The following NUP88 variants were observed in gnomAD, a reference collection of about 807,000 sequenced individuals.
NUP88 encodes nucleoporin 88, also known as nuclear pore complex protein Nup88.
NUP88 carries 57 observed loss-of-function variants against 93.9 expected under a neutral mutation model. The observed-to-expected ratio is 0.61, with a 90% confidence interval of 0.49 to 0.76. The LOEUF is 0.76. Among genes scored for constraint, NUP88 ranks in the 30% least tolerant of loss-of-function variants. The pLI, the probability that NUP88 is intolerant of heterozygous loss-of-function variation, is 0.00. For synonymous variants in NUP88, 346 were observed against 336.8 expected, an observed-to-expected ratio of 1.03 and a Z score of -0.30; for missense variants, 911 against 901.0, an observed-to-expected ratio of 1.01 and a Z score of -0.14.
intron 6 of NUP88, 115 bp from the exon 7 acceptor site, chr17:5,404,361 C>T (rs2151642359): frequency 1.9e-6 from 2 of 1,054,478 alleles, no homozygotes; most frequent in Admixed American, 2.3e-5. Context: ...GCCTGTAATC[C>T]CAGCACTTTG....
intron 10 of NUP88, among the ~76,000 whole-genome samples, chr17:5,390,111 G>A (rs952921193): frequency 6.7e-6 from 1 of 149,964 alleles, no homozygotes; most frequent in African/African-American, 2.5e-5. Flanking sequence ...GTTGCAGTGA[G>A]CTGAGATCGT....
intron 11 of NUP88, chr17:5,388,452 A>AT (rs112340061): frequency 0.31 from 49,729 of 163,030 alleles, 8,168 homozygotes; most frequent in East Asian, 0.59. Context: ...CACCCAGCTA[A>AT]TTTTTTTTTG....
chr17:5,393,326 G>GCCTCAAGTGATCCTCCTGC (rs1167539499), intron 9 of NUP88, among the ~76,000 whole-genome samples: 1 of 151,260 alleles, frequency 6.6e-6, no homozygotes, highest in Admixed American at 6.6e-5. Context: ...CAAACTCCTG[G>GCCTCAAGTGATCCTCCTGC]CCTCAAGTGA....
Position 5,385,491 on chromosome 17 carries a change from C to A in NUP88, c.*715G>T, listed in dbSNP as rs148871718. The A allele has an allele frequency of 9.7e-4, 224 of 230,598 alleles. No individual in the cohort carries two copies. The highest frequency in any genetic ancestry group is 4.1e-3 in the African/African-American group (187 of 45,290). The allele number at this position is 230,598 out of a possible 1,614,324, so 14.3% of individuals were successfully genotyped here. ...ATATAGTAGTACCTTTCAGAACTCACATTGGCAAGTGTAAAAAGATGACTT... is the reference window on the plus strand; with the variant it reads ...ATATAGTAGTACCTTTCAGAACTCAAATTGGCAAGTGTAAAAAGATGACTT... On this transcript the variant is annotated 3_prime_UTR_variant, in exon 17 of 17. Coordinates refer to ENST00000573584, the MANE Select transcript of NUP88 (RefSeq NM_002532.6).
Position 5,386,985 on chromosome 17 carries a change from T to A in NUP88, c.2042A>T (p.Gln681Leu). 1.9e-6 allele frequency: 3 copies of A among 1,613,900 alleles called. No individual in the cohort carries two copies. The highest frequency in any genetic ancestry group is 2.5e-6 in the Non-Finnish European group (3 of 1,179,964). ...QLRHLGNAIK[Q>L]VTMKKDYQQQ... ...TAGCTAGTTTGGATCTATTCCTACC[T>A]GTTTGATGGCATTGCCCAAATGTCG... The change falls in exon 15 of 17, where the codon CAG becomes CTG. Residue 681 changes from glutamine (Q) to leucine (L), a missense_variant and splice_region_variant. Physicochemically the swap from Gln to Leu is moderately radical, Grantham distance 113. Transcript: ENST00000573584.
chr17:5,414,492 G>A (rs1914023985), intron 2 of NUP88, among the ~76,000 whole-genome samples: 1 of 152,096 alleles, frequency 6.6e-6, no homozygotes, highest in Admixed American at 6.6e-5. Context: ...ACCACGCCAG[G>A]CCCTGAAGAA....
intron 7 of NUP88, among the ~76,000 whole-genome samples, chr17:5,400,569 C>T (rs1447196736): frequency 1.3e-5 from 2 of 148,832 alleles, no homozygotes; most frequent in African/African-American, 5.0e-5. Flanking sequence ...TTCACCAAAA[C>T]ATAAATACTT....
intron 1 of NUP88, among the ~76,000 whole-genome samples, chr17:5,417,070 A>T (rs1914195701): frequency 6.6e-6 from 1 of 152,028 alleles, no homozygotes; most frequent in Non-Finnish European, 1.5e-5. Flanking sequence ...TGCTCACAAG[A>T]TCCACCTGCC....
chr17:5,415,232 G>A (rs1320435192), intron 2 of NUP88, among the ~76,000 whole-genome samples: 1 of 151,894 alleles, frequency 6.6e-6, no homozygotes, highest in Non-Finnish European at 1.5e-5. Context: ...GTTGCCCAGG[G>A]TGGTCTCAAG....
At chr17:5,393,962 A>T (rs116930244) in intron 9 of NUP88, among the ~76,000 whole-genome samples, 103 of 152,316 alleles carry the variant, frequency 6.8e-4, no homozygotes, top group Admixed American at 3.6e-3. Context: ...CCAGGTTTCT[A>T]CTGGGGATAA....
intron 2 of NUP88, 127 bp downstream of exon 2, chr17:5,416,386 G>C: frequency 1.7e-6 from 1 of 598,046 alleles, no homozygotes; most frequent in Non-Finnish European, 2.8e-6. Context: ...ACAGAAGCCA[G>C]TCTGCAGACC....
At position 5,404,020 on chromosome 17, in the gene NUP88, A is replaced by G. The variant is rs563336811; in HGVS notation, c.1192+79T>C. ...TAAAGGCTGGAACCACAGAACAAAT[A>G]CATTACATAGGAACAGTCTATGATA... On this transcript the variant is annotated intron_variant, in intron 7 of 16. Transcript: ENST00000573584. The G allele has an allele frequency of 3.5e-6, 5 of 1,411,582 alleles. No individual in the cohort carries two copies. The East Asian group carries it at 1.1e-4, about 32-fold the overall frequency. 87.4% of individuals were successfully genotyped at this position (1,411,582 alleles called of 1,614,324 possible). A position where few individuals can be genotyped will look rare whatever the true frequency, so the allele number is the denominator to read the frequency against.
In NUP88 at chr17:5,414,124, C is replaced by A. The variant is rs751724323; in HGVS notation, c.478G>T (p.Val160Phe). 1.9e-6 allele frequency: 3 copies of A among 1,613,380 alleles called. No homozygotes were observed. The Admixed American group carries it at 5.0e-5, about 27-fold the overall frequency. Residue 160 changes from valine to phenylalanine, a missense_variant, in exon 3 of 17, where the codon GTT becomes TTT. Physicochemically the swap from Val to Phe is conservative, Grantham distance 50. Transcript: ENST00000573584. ...GAACTGGTGAAAAATCTCTCCGCAA[C>A]TGGAGTGGTACTAAAATAAAGATAA... ...KSTVNCSTTP[V>F]AERFFTSSTS...
intron 5 of NUP88, among the ~76,000 whole-genome samples, chr17:5,406,307 T>C (rs965838522): frequency 2.6e-5 from 4 of 152,116 alleles, no homozygotes; most frequent in African/African-American, 9.7e-5. Flanking sequence ...CCTGGAAACA[T>C]GAAAGACAAA....
chr17:5,406,801 A>C (rs8066702), intron 5 of NUP88, among the ~76,000 whole-genome samples: 70,015 of 151,724 alleles, frequency 0.46, 16,918 homozygotes, highest in East Asian at 0.84. Context: ...GCAAACAAAT[A>C]TCATAATGTT....
At position 5,410,686 on chromosome 17, in the gene NUP88, C is replaced by T. The variant is rs150004698; in HGVS notation, c.680+17G>A. Reference sequence around the variant, plus strand: ...AGCTAATTAAAAAACCATTTCAAGACTCAAATAAAAACTTACCCTTTATTG... The same window carrying T: ...AGCTAATTAAAAAACCATTTCAAGATTCAAATAAAAACTTACCCTTTATTG... On this transcript the variant is annotated intron_variant, in intron 4 of 16. Transcript: ENST00000573584. The T allele has an allele frequency of 3.4e-5, 50 of 1,485,230 alleles. No homozygotes were observed. The African/African-American group carries it at 5.9e-4, about 18-fold the overall frequency. 92.0% of individuals were successfully genotyped at this position (1,485,230 alleles called of 1,614,324 possible).
chr17:5,396,210 T>TA lies in NUP88; in HGVS notation c.1292-1230dup, dbSNP rs890181298. ...TGGGCAACAAGAGTGAAACTCCGTCTAAAAAAAAAATTGTATACCTATCAT... is the reference window on the plus strand; with the variant it reads ...TGGGCAACAAGAGTGAAACTCCGTCTAAAAAAAAAAATTGTATACCTATCAT... On this transcript the variant is annotated intron_variant, in intron 8 of 16. Transcript: ENST00000573584. 4.3e-4 allele frequency among the ~76,000 whole-genome samples: 65 copies of TA among 149,970 alleles called. 1 individual carries two copies. The highest frequency in any genetic ancestry group is 3.5e-3 in the Middle Eastern group (1 of 288).
intron 1 of NUP88, chr17:5,418,036 G>T (rs550855873): frequency 2.7e-5 from 4 of 150,536 alleles, no homozygotes; most frequent in African/African-American, 4.9e-5. Flanking sequence ...GCTACTCGCG[G>T]GGGGGGCTGA....
chr17:5,399,089 C>T (rs1470230336), intron 8 of NUP88, among the ~76,000 whole-genome samples: 2 of 149,764 alleles, frequency 1.3e-5, no homozygotes, highest in African/African-American at 4.9e-5. Flanking sequence ...GATGGGGTTT[C>T]ACCATGTTAG....
Sources: allele counts gnomAD v4.1 joint callset (sites outside exome capture counted in the v4.1 genomes callset), GRCh38; gene constraint gnomAD v4.1.1; transcripts MANE v1.5; gene names NCBI Gene and HGNC (gene_info 2026-07-23, HGNC 2026-07-21).